The following NELL1 variants were observed in gnomAD, a reference collection of about 807,000 sequenced individuals.
NELL1 encodes the protein protein kinase C-binding protein NELL1.
In NELL1, 76 loss-of-function variants were observed where a neutral mutation model predicts 107.4. That is an observed-to-expected ratio of 0.71 (90% confidence interval 0.59 to 0.86). The LOEUF is 0.86. NELL1 is among the 40% of genes least tolerant of loss of function. The pLI is 0.00. For synonymous variants in NELL1, 353 were observed against 341.2 expected (o/e 1.03, Z -0.38); for missense variants, 1,024 against 1,005.5 (o/e 1.02, Z -0.25).
chr11:21,099,230 CACAA>C (rs369959719), intron 12 of NELL1, among the ~76,000 whole-genome samples: 8,387 of 126,310 alleles, frequency 0.066, 244 homozygotes, highest in African/African-American at 0.098. Flanking sequence ...CACACACACA[CACAA>C]ACACACACAC....
intron 3 of NELL1, among the ~76,000 whole-genome samples, chr11:20,788,614 GT>G (rs1332472494): frequency 6.6e-6 from 1 of 150,762 alleles, no homozygotes; most frequent in African/African-American, 2.4e-5. Flanking sequence ...ATGATTTACA[GT>G]TTTTTCCCCC....
chr11:20,693,908 C>T (rs1415190475), intron 2 of NELL1, among the ~76,000 whole-genome samples: 2 of 152,182 alleles, frequency 1.3e-5, no homozygotes, highest in African/African-American at 4.8e-5. Flanking sequence ...TTCTCCCCGT[C>T]ACTTTCAGGT....
Position 20,674,798 on chromosome 11 carries a change from T to C in NELL1, c.56-3134T>C, listed in dbSNP as rs77778240. ...GTTCTGCTAGTTCTACAGAGTTTGT[T>C]TGGGTGGTTGAAGCCTTGCCCAATT... is the stretch of plus-strand genomic sequence containing the variant. On this transcript the variant is annotated intron_variant, in intron 1 of 19. Transcript: ENST00000357134. 4.5e-3 allele frequency among the ~76,000 whole-genome samples: 689 copies of C among 152,256 alleles called. 2 individuals are homozygous for C. Among genetic ancestry groups the C allele is most frequent in the African/African-American group, 0.016 (662 of 41,544 alleles).
intron 3 of NELL1, among the ~76,000 whole-genome samples, chr11:20,845,322 G>C (rs1438784057): frequency 1.3e-5 from 2 of 152,122 alleles, no homozygotes; most frequent in Non-Finnish European, 2.9e-5. Context: ...TAAGAGATCT[G>C]TTTATAATAC....
intron 3 of NELL1, among the ~76,000 whole-genome samples, chr11:20,818,912 A>G (rs1857686734): frequency 6.6e-6 from 1 of 152,230 alleles, no homozygotes; most frequent in Non-Finnish European, 1.5e-5. Context: ...GTGTGGTGGC[A>G]TTTAATCTGT....
intron 2 of NELL1, among the ~76,000 whole-genome samples, chr11:20,760,421 CCAAGAGA>C (rs1856393534): frequency 6.6e-6 from 1 of 152,116 alleles, no homozygotes; most frequent in African/African-American, 2.4e-5. Context: ...AAAGGAGAGC[CCAAGAGA>C]CATTTGGGTA....
intron 15 of NELL1, among the ~76,000 whole-genome samples, chr11:21,380,507 T>A (rs1032537471): frequency 2.0e-5 from 3 of 152,040 alleles, no homozygotes; most frequent in African/African-American, 7.2e-5. Context: ...AGTCTTGCCC[T>A]GTTCAGTAAC....
chr11:21,286,659 A>G (rs1403908660), intron 14 of NELL1, among the ~76,000 whole-genome samples: 2 of 152,156 alleles, frequency 1.3e-5, no homozygotes, highest in Non-Finnish European at 2.9e-5. Context: ...AAATTTCTCT[A>G]TCTGTTAAAG....
At chr11:20,962,934 T>C (rs1279628432) in intron 12 of NELL1, among the ~76,000 whole-genome samples, 2 of 152,114 alleles carry the variant, frequency 1.3e-5, no homozygotes, top group Admixed American at 6.6e-5. Context: ...TCCTAGCATG[T>C]AGGAACATAG....
intron 14 of NELL1, among the ~76,000 whole-genome samples, chr11:21,340,401 C>T (rs1250063188): frequency 6.6e-6 from 1 of 152,158 alleles, no homozygotes. Context: ...ATTCGCCTGC[C>T]TTGGCCTCCC....
Position 21,523,094 on chromosome 11 carries a change from G to A in NELL1, c.1646-11280G>A, listed in dbSNP as rs191393735. Among the ~76,000 whole-genome samples, 47 of 151,926 alleles carry A rather than the reference G, an allele frequency of 3.1e-4. No homozygotes were observed. In the South Asian group the frequency reaches 6.9e-3, roughly 22 times the overall value. On this transcript the variant is annotated intron_variant, in intron 15 of 19. Coordinates refer to ENST00000357134, the MANE Select transcript of NELL1 (RefSeq NM_006157.5). Reference sequence around the variant, plus strand: ...GATCTCCTGACCTCGTGATCCGCCCGCCTCGGCATCCCAAAGAGCTGGGAT... The same window carrying A: ...GATCTCCTGACCTCGTGATCCGCCCACCTCGGCATCCCAAAGAGCTGGGAT...
chr11:21,381,938 A>G (rs61885514), intron 15 of NELL1, among the ~76,000 whole-genome samples: 10 of 69,780 alleles, frequency 1.4e-4, no homozygotes, highest in Non-Finnish European at 2.3e-4. Context: ...TTTTTTTGCT[A>G]TTGTTTACTT....
intron 14 of NELL1, among the ~76,000 whole-genome samples, chr11:21,257,840 G>T (rs938330784): frequency 1.3e-5 from 2 of 151,958 alleles, no homozygotes; most frequent in Non-Finnish European, 2.9e-5. Flanking sequence ...CCATGACAGT[G>T]TCCACAACTG....
chr11:21,268,880 A>G (rs943856544), intron 14 of NELL1, among the ~76,000 whole-genome samples: 2 of 152,186 alleles, frequency 1.3e-5, no homozygotes, highest in South Asian at 2.1e-4. Context: ...TATGGTTAAC[A>G]TGAAAAGGAT....
intron 14 of NELL1, among the ~76,000 whole-genome samples, chr11:21,243,842 TA>T (rs60560878): frequency 0.051 from 7,728 of 151,164 alleles, 236 homozygotes; most frequent in East Asian, 0.076. Flanking sequence ...TTAAATTAAT[TA>T]AAAAAAAAGG....
At chr11:21,189,382 C>T (rs995909691) in intron 13 of NELL1, among the ~76,000 whole-genome samples, 12 of 151,572 alleles carry the variant, frequency 7.9e-5, no homozygotes, top group Non-Finnish European at 1.6e-4. Flanking sequence ...TTATAATTAC[C>T]TAGTAGCTCT....
chr11:21,180,837 T>C (rs1856811469), intron 13 of NELL1, among the ~76,000 whole-genome samples: 1 of 151,242 alleles, frequency 6.6e-6, no homozygotes, highest in Admixed American at 6.6e-5. Context: ...TTTAAAGAAA[T>C]CTTTCTCCAT....
At chr11:21,388,195 T>G (rs568849948) in intron 15 of NELL1, among the ~76,000 whole-genome samples, 1 of 151,748 alleles carries the variant, frequency 6.6e-6, no homozygotes, top group South Asian at 2.1e-4. Context: ...GTCAGAAAGA[T>G]GACATTGTAA....
At chr11:21,147,377 C>A (rs1003824478) in intron 13 of NELL1, among the ~76,000 whole-genome samples, 3 of 152,052 alleles carry the variant, frequency 2.0e-5, no homozygotes, top group African/African-American at 7.2e-5. Flanking sequence ...CGAATAAATA[C>A]TTCTGGGAAT....
Sources: allele counts gnomAD v4.1 joint callset (sites outside exome capture counted in the v4.1 genomes callset), GRCh38; gene constraint gnomAD v4.1.1; transcripts MANE v1.5; gene names NCBI Gene and HGNC (gene_info 2026-07-23, HGNC 2026-07-21).